PPARGC1A: variants seen among roughly 807,000 people sequenced by gnomAD.
PPARGC1A encodes PPARG coactivator 1 alpha.
In PPARGC1A, 25 loss-of-function variants were observed where a neutral mutation model predicts 88.7. That is an observed-to-expected ratio of 0.28 (90% CI 0.21 to 0.39). PPARGC1A has a LOEUF of 0.39. PPARGC1A is among the 10% of genes least tolerant of loss of function. The probability of loss-of-function intolerance (pLI) is 1.00; values close to 1 mark genes in which losing one functional copy is unlikely to be tolerated. For synonymous variants in PPARGC1A, 363 were observed against 355.6 expected (o/e 1.02, Z -0.24); for missense variants, 880 against 968.7 (o/e 0.91, Z 1.22).
the PPARGC1A span, among the ~76,000 whole-genome samples, chr4:24,440,340 G>T: frequency 4.3e-4 from 65 of 152,238 alleles, no homozygotes; most frequent in African/African-American, 1.5e-3. Flanking sequence ...CTCCTCATCG[G>T]TTTTTTCCTT....
the PPARGC1A span, among the ~76,000 whole-genome samples, chr4:24,466,972 G>GAA: frequency 1.2e-5 from 1 of 85,924 alleles, no homozygotes; most frequent in African/African-American, 5.5e-5. Context: ...AAGAAAGAAA[G>GAA]AGAAAGAAAG....
chr4:24,378,989 A>G, the PPARGC1A span, among the ~76,000 whole-genome samples: 1 of 152,162 alleles, frequency 6.6e-6, no homozygotes, highest in African/African-American at 2.4e-5. Context: ...TTTTGATGCA[A>G]TTTGTTAAGT....
chr4:24,406,014 C>G, the PPARGC1A span, among the ~76,000 whole-genome samples: 1 of 152,050 alleles, frequency 6.6e-6, no homozygotes, highest in Admixed American at 6.6e-5. Flanking sequence ...GATACAGAAT[C>G]TAAGGTTCGA....
At chr4:24,387,812 GAAA>G in the PPARGC1A span, among the ~76,000 whole-genome samples, 1 of 108,140 alleles carries the variant, frequency 9.2e-6, no homozygotes, top group African/African-American at 3.0e-5. Flanking sequence ...AAGAAAGAAA[GAAA>G]GAAAGAAAGA....
chr4:23,845,951 T>C (rs780495218), intron 2 of PPARGC1A, among the ~76,000 whole-genome samples: 1 of 152,150 alleles, frequency 6.6e-6, no homozygotes, highest in Non-Finnish European at 1.5e-5. Flanking sequence ...TGCAGACTCA[T>C]TCATGATTAT....
the PPARGC1A span, among the ~76,000 whole-genome samples, chr4:24,371,859 G>A: frequency 6.6e-6 from 1 of 151,966 alleles, no homozygotes; most frequent in East Asian, 1.9e-4. Context: ...ACTGAGGCAA[G>A]AGAATCGTTT....
the PPARGC1A span, among the ~76,000 whole-genome samples, chr4:24,266,950 T>G: frequency 6.6e-6 from 1 of 152,162 alleles, no homozygotes; most frequent in Non-Finnish European, 1.5e-5. Flanking sequence ...TGCTTCAGTT[T>G]CCTCAAGTAC....
the PPARGC1A span, among the ~76,000 whole-genome samples, chr4:23,983,804 C>T: frequency 6.6e-6 from 1 of 151,992 alleles, no homozygotes; most frequent in Admixed American, 6.6e-5. Context: ...CTGTCTCCCT[C>T]TTTAGCTAAC....
chr4:24,443,702 C>A, the PPARGC1A span, among the ~76,000 whole-genome samples: 1 of 151,624 alleles, frequency 6.6e-6, no homozygotes, highest in South Asian at 2.1e-4. Flanking sequence ...ATTACAGGCG[C>A]CTGCCACCAT....
the PPARGC1A span, among the ~76,000 whole-genome samples, chr4:24,426,190 C>T: frequency 3.2e-3 from 480 of 152,222 alleles, 4 homozygotes; most frequent in African/African-American, 0.011. Context: ...TATAATACTT[C>T]GTAATTCCAG....
chr4:24,034,452 T>C, the PPARGC1A span, among the ~76,000 whole-genome samples: 1 of 152,230 alleles, frequency 6.6e-6, no homozygotes, highest in Non-Finnish European at 1.5e-5. Flanking sequence ...ACTGTTAAAC[T>C]TTTCGATGTG....
At chr4:24,077,624 GGTGTGTGTGTGTGTGTGTGTGTGTGT>G in the PPARGC1A span, among the ~76,000 whole-genome samples, 20 of 130,962 alleles carry the variant, frequency 1.5e-4, no homozygotes, top group African/African-American at 4.6e-4. Context: ...TGTGTCTAGG[GGTGTGTGTGTGTGTGTGTGTGTGTGT>G]GTGTGTGTGT....
At chr4:24,038,032 T>C in the PPARGC1A span, among the ~76,000 whole-genome samples, 1 of 152,152 alleles carries the variant, frequency 6.6e-6, no homozygotes, top group Non-Finnish European at 1.5e-5. Context: ...TCCAGCACAA[T>C]TAGCCCCACA....
chr4:24,310,501 T>C, the PPARGC1A span, among the ~76,000 whole-genome samples: 1 of 152,194 alleles, frequency 6.6e-6, no homozygotes, highest in Admixed American at 6.5e-5. Flanking sequence ...GAGAAAAAAC[T>C]GTTTTTCTGG....
At chr4:24,371,499 A>G in the PPARGC1A span, among the ~76,000 whole-genome samples, 1 of 152,092 alleles carries the variant, frequency 6.6e-6, no homozygotes, top group African/African-American at 2.4e-5. Flanking sequence ...CCTAACCCCC[A>G]GCCACTGTCT....
At chr4:24,236,160 T>G in the PPARGC1A span, among the ~76,000 whole-genome samples, 1 of 152,256 alleles carries the variant, frequency 6.6e-6, no homozygotes, top group Non-Finnish European at 1.5e-5. Flanking sequence ...TTTTGGCATG[T>G]ATCCGGAAGC....
At position 23,798,013 on chromosome 4, in the gene PPARGC1A, C is replaced by T. The variant is rs564325491; in HGVS notation, c.2294-2088G>A. ...ACATTGTCTTGTGAAATTCCTTCTC[C>T]TGGCTCATCCTGGCTCAAAAGCTCC... is the stretch of plus-strand genomic sequence containing the variant. On this transcript the variant is annotated intron_variant, in intron 12 of 12. Coordinates refer to ENST00000264867, the MANE Select transcript of PPARGC1A (RefSeq NM_013261.5). Among the ~76,000 whole-genome samples the T allele has an allele frequency of 2.8e-4, 43 of 152,244 alleles. No individual in the cohort carries two copies. The East Asian group carries it at 8.3e-3, about 29-fold the overall frequency.
At chr4:23,997,445 G>A in the PPARGC1A span, among the ~76,000 whole-genome samples, 1 of 144,642 alleles carries the variant, frequency 6.9e-6, no homozygotes, top group African/African-American at 2.5e-5. Context: ...TAGCAGGCAA[G>A]AATTTTCTTT....
At chr4:24,343,258 C>G in the PPARGC1A span, among the ~76,000 whole-genome samples, 2 of 152,118 alleles carry the variant, frequency 1.3e-5, no homozygotes, top group Admixed American at 6.6e-5. Flanking sequence ...GTGTGTGTCC[C>G]TTCTAAAACT....
Sources: allele counts gnomAD v4.1 joint callset (sites outside exome capture counted in the v4.1 genomes callset), GRCh38; gene constraint gnomAD v4.1.1; transcripts MANE v1.5; gene names NCBI Gene and HGNC (gene_info 2026-07-23, HGNC 2026-07-21).